METTL8: variants seen among roughly 807,000 people sequenced by gnomAD.
The protein encoded by METTL8 is tRNA N(3)-cytidine methyltransferase METTL8, mitochondrial.
METTL8 carries 32 observed loss-of-function variants against 48.7 expected under a neutral mutation model. The ratio of observed to expected loss-of-function variants is 0.66; its 90% confidence interval spans 0.50 to 0.88. The LOEUF is 0.88. METTL8 is among the 40% of genes least tolerant of loss of function. METTL8 has a pLI of 0.00. For missense variants in METTL8, 464 were observed against 474.4 expected, an observed-to-expected ratio of 0.98 and a Z score of 0.20; for synonymous variants, 136 against 157.1, an observed-to-expected ratio of 0.87 and a Z score of 1.01.
chr2:171,432,901 T>C (rs1335287694), intron 1 of METTL8: 1 of 152,184 alleles, frequency 6.6e-6, no homozygotes, highest in Non-Finnish European at 1.5e-5. Flanking sequence ...ATATTTCTGG[T>C]CACAAAAACA....
chr2:171,401,489 C>T (rs1029182952), intron 1 of METTL8, among the ~76,000 whole-genome samples: 1 of 152,118 alleles, frequency 6.6e-6, no homozygotes, highest in Non-Finnish European at 1.5e-5. Flanking sequence ...ACGTCAGTAA[C>T]TCTGCAGCTT....
chr2:171,361,255 T>C (rs2105474947), intron 2 of METTL8, among the ~76,000 whole-genome samples: 1 of 139,130 alleles, frequency 7.2e-6, no homozygotes, highest in East Asian at 2.3e-4. Context: ...AAAGTTTGCT[T>C]TTTTTTTTTT....
intron 7 of METTL8, among the ~76,000 whole-genome samples, chr2:171,330,280 T>A (rs1296486777): frequency 6.6e-6 from 1 of 152,200 alleles, no homozygotes; most frequent in Non-Finnish European, 1.5e-5. Context: ...AATTTGTAAT[T>A]TCCTTGAAGC....
At chr2:171,406,481 G>A (rs1414017021) in intron 1 of METTL8, among the ~76,000 whole-genome samples, 2 of 152,166 alleles carry the variant, frequency 1.3e-5, no homozygotes, top group East Asian at 1.9e-4. Context: ...GGCTGATTTG[G>A]TTCCTGGCTT....
intron 8 of METTL8, 46 bp from the exon 9 acceptor site, chr2:171,325,952 A>G: frequency 7.0e-7 from 1 of 1,427,774 alleles, no homozygotes; most frequent in Non-Finnish European, 9.7e-7. Flanking sequence ...TATTCCTTTA[A>G]AAAAAAACAA....
chr2:171,425,596 T>C (rs1052433204), intron 1 of METTL8, among the ~76,000 whole-genome samples: 1 of 152,126 alleles, frequency 6.6e-6, no homozygotes, highest in African/African-American at 2.4e-5. Flanking sequence ...TGTGTCAATA[T>C]CCAGTGAGGG....
Position 171,321,070 on chromosome 2 carries a change from G to A in METTL8, c.*3102C>T, listed in dbSNP as rs1684501685. Reference sequence around the variant, plus strand: ...GCTGAGAATGTACATTCAAGAACTAGCCTGAGACCTACCTCCCCCAAGAAA... The same window carrying A: ...GCTGAGAATGTACATTCAAGAACTAACCTGAGACCTACCTCCCCCAAGAAA... On this transcript the variant is annotated 3_prime_UTR_variant, in exon 10 of 10. Coordinates refer to ENST00000375258, the MANE Select transcript of METTL8 (RefSeq NM_001321154.2). 1.3e-5 allele frequency: 2 copies of A among 152,100 alleles called. No homozygotes were observed. The allele number at this position is 152,100 out of a possible 1,614,324, so 9.4% of individuals were successfully genotyped here.
chr2:171,365,333 C>T (rs959324870), intron 2 of METTL8, among the ~76,000 whole-genome samples: 6 of 152,210 alleles, frequency 3.9e-5, no homozygotes, highest in African/African-American at 1.4e-4. Flanking sequence ...AGGAAATTCA[C>T]AGAAACTGCC....
chr2:171,421,476 T>TAC lies in METTL8; in HGVS notation c.-13+12405_-13+12406dup, dbSNP rs35524770. Among the ~76,000 whole-genome samples the TAC allele has an allele frequency of 7.0e-4, 105 of 150,296 alleles. 1 individual carries two copies. The highest frequency in any genetic ancestry group is 1.8e-3 in the East Asian group (9 of 5,106). On this transcript the variant is annotated intron_variant, in intron 1 of 9. Coordinates refer to ENST00000375258, the MANE Select transcript of METTL8 (RefSeq NM_001321154.2). ...AAAAAAAAATACATACACACATCCA[T>TAC]ACACACACACACACACACACATCAT...
intron 5 of METTL8, 134 bp downstream of exon 5, chr2:171,337,319 T>C: frequency 1.7e-6 from 1 of 591,316 alleles, no homozygotes; most frequent in Non-Finnish European, 2.9e-6. Flanking sequence ...ACATTTCTTT[T>C]GAAATTTGCT....
intron 1 of METTL8, among the ~76,000 whole-genome samples, chr2:171,412,359 G>C (rs1375095596): frequency 1.3e-5 from 2 of 152,140 alleles, no homozygotes; most frequent in African/African-American, 4.8e-5. Flanking sequence ...TCTTTTTAGG[G>C]AGGAGGAAAC....
At chr2:171,372,531 C>T (rs1307292487) in intron 2 of METTL8, among the ~76,000 whole-genome samples, 5 of 151,776 alleles carry the variant, frequency 3.3e-5, no homozygotes, top group South Asian at 2.1e-4. Flanking sequence ...ATGTGCACAA[C>T]GTGTAGGTTT....
chr2:171,409,887 A>T (rs1166392639), intron 1 of METTL8, among the ~76,000 whole-genome samples: 1 of 152,180 alleles, frequency 6.6e-6, no homozygotes, highest in Non-Finnish European at 1.5e-5. Flanking sequence ...CTCCAGGCAG[A>T]GCCTTGTAAT....
chr2:171,365,284 A>C (rs1231665934), intron 2 of METTL8, among the ~76,000 whole-genome samples: 2 of 152,202 alleles, frequency 1.3e-5, no homozygotes, highest in African/African-American at 2.4e-5. Context: ...AGTCCCGATA[A>C]GTTAAAGATC....
At chr2:171,358,963 C>T (rs544253976) in intron 3 of METTL8, among the ~76,000 whole-genome samples, 1 of 152,038 alleles carries the variant, frequency 6.6e-6, no homozygotes, top group Admixed American at 6.6e-5. Context: ...GGAGCTCAAA[C>T]AACTCAATAG....
chr2:171,394,568 A>G (rs1688881049), intron 1 of METTL8, among the ~76,000 whole-genome samples: 2 of 152,172 alleles, frequency 1.3e-5, no homozygotes, highest in Non-Finnish European at 2.9e-5. Flanking sequence ...GGGTCTAAAT[A>G]TGTGGCAATT....
intron 2 of METTL8, among the ~76,000 whole-genome samples, chr2:171,362,376 G>T (rs1387656338): frequency 6.6e-6 from 1 of 151,936 alleles, no homozygotes; most frequent in African/African-American, 2.4e-5. Context: ...TGATTCTAAG[G>T]TCTTAAAACT....
intron 3 of METTL8, among the ~76,000 whole-genome samples, chr2:171,340,397 G>A (rs1171572633): frequency 6.6e-6 from 1 of 150,654 alleles, no homozygotes; most frequent in Non-Finnish European, 1.5e-5. Context: ...GGCTCCTCAG[G>A]AGGCTGAGGC....
intron 1 of METTL8, among the ~76,000 whole-genome samples, chr2:171,429,073 G>A (rs1217559308): frequency 1.1e-4 from 17 of 151,838 alleles, no homozygotes; most frequent in Non-Finnish European, 1.9e-4. Flanking sequence ...TCAAGGCTAT[G>A]AGATTTCTGT....
Sources: allele counts gnomAD v4.1 joint callset (sites outside exome capture counted in the v4.1 genomes callset), GRCh38; gene constraint gnomAD v4.1.1; transcripts MANE v1.5; gene names NCBI Gene and HGNC (gene_info 2026-07-23, HGNC 2026-07-21).